Variants in MGST2 observed in about 807,000 individuals in gnomAD.
The protein encoded by MGST2 is glutathione peroxidase MGST2.
In MGST2, 9 loss-of-function variants were observed where a neutral mutation model predicts 16.6. That is an observed-to-expected ratio of 0.54 (90% CI 0.33 to 0.95). MGST2 has a LOEUF of 0.95. Among genes scored for constraint, MGST2 ranks in the 40% least tolerant of loss-of-function variants. The probability of loss-of-function intolerance (pLI) is 0.03; values close to 1 mark genes in which losing one functional copy is unlikely to be tolerated. For missense variants in MGST2, 159 were observed against 175.1 expected (o/e 0.91, Z 0.52); for synonymous variants, 79 against 68.0 (o/e 1.16, Z -0.79).
chr4:139,734,491 C>T (rs369165248), intron 5 of MGST2, among the ~76,000 whole-genome samples: 4 of 152,328 alleles, frequency 2.6e-5, no homozygotes, highest in African/African-American at 9.6e-5. Context: ...CTTCACTACT[C>T]GCCCAACCCT....
At chr4:139,730,080 T>C (rs372592283) in intron 5 of MGST2, among the ~76,000 whole-genome samples, 1 of 152,194 alleles carries the variant, frequency 6.6e-6, no homozygotes, top group Non-Finnish European at 1.5e-5. Flanking sequence ...TTATGGAGCA[T>C]GTGAGACAGT....
chr4:139,681,174 G>T (rs915292798), intron 2 of MGST2, among the ~76,000 whole-genome samples: 1 of 151,994 alleles, frequency 6.6e-6, no homozygotes, highest in African/African-American at 2.4e-5. Context: ...GTGCTACAAT[G>T]CCCTGCTAAT....
intron 1 of MGST2, among the ~76,000 whole-genome samples, chr4:139,678,076 C>T (rs768473879): frequency 1.7e-4 from 26 of 152,106 alleles, no homozygotes; most frequent in Non-Finnish European, 3.4e-4. Flanking sequence ...CACTGTGGAG[C>T]GGGGTCTTTG....
chr4:139,704,267 A>G (rs1485635134), downstream of MGST2: 13 of 1,276,300 alleles, frequency 1.0e-5, no homozygotes. Context: ...CTTTGTAGAA[A>G]CACACACTTT....
intron 1 of MGST2, among the ~76,000 whole-genome samples, chr4:139,671,610 G>T (rs1332025250): frequency 6.6e-6 from 1 of 151,804 alleles, no homozygotes; most frequent in Non-Finnish European, 1.5e-5. Context: ...GGGACTACAG[G>T]TGCGCCACCA....
intron 5 of MGST2, chr4:139,720,069 T>A (rs1728169054): frequency 6.2e-7 from 1 of 1,614,090 alleles, no homozygotes; most frequent in Non-Finnish European, 8.5e-7. Flanking sequence ...TGTGTGATGC[T>A]CATGCCACTT....
chr4:139,679,228 T>C (rs562107848), intron 2 of MGST2: 35 of 155,438 alleles, frequency 2.3e-4, no homozygotes, highest in African/African-American at 7.9e-4. Context: ...TGCTAGGGCG[T>C]ACTTTATATT....
At chr4:139,739,710 G>T (rs1579380036) in intron 5 of MGST2, among the ~76,000 whole-genome samples, 1 of 104,792 alleles carries the variant, frequency 9.5e-6, no homozygotes, top group South Asian at 4.2e-4. Flanking sequence ...ATGTCCTCAG[G>T]TGTTAAAACT....
intron 3 of MGST2, chr4:139,698,615 G>A (rs1727068203): frequency 3.6e-6 from 3 of 831,650 alleles, no homozygotes; most frequent in Non-Finnish European, 4.1e-6. Context: ...CGAGCGAGAG[G>A]CGGCGCTGGC....
intron 2 of MGST2, among the ~76,000 whole-genome samples, chr4:139,682,977 C>T (rs1367810883): frequency 2.0e-5 from 3 of 152,232 alleles, no homozygotes; most frequent in Non-Finnish European, 4.4e-5. Context: ...AGACCAGGCT[C>T]CTCCCTCTGC....
intron 5 of MGST2, among the ~76,000 whole-genome samples, chr4:139,710,972 GA>G (rs1383456172): frequency 2.0e-5 from 3 of 151,706 alleles, no homozygotes; most frequent in African/African-American, 7.3e-5. Context: ...ACAGGACAGA[GA>G]AGGGGAACAA....
intron 1 of MGST2, among the ~76,000 whole-genome samples, chr4:139,674,181 T>A (rs1456705979): frequency 1.3e-5 from 2 of 152,218 alleles, no homozygotes; most frequent in African/African-American, 4.8e-5. Context: ...CCCAAGGTGG[T>A]CAGGGCACAG....
chr4:139,747,677 G>C, the MGST2 span, among the ~76,000 whole-genome samples: 1 of 144,466 alleles, frequency 6.9e-6, no homozygotes, highest in African/African-American at 2.6e-5. Context: ...CTGGGCAAGA[G>C]AGCAAGACTC....
intron 5 of MGST2, among the ~76,000 whole-genome samples, chr4:139,720,843 G>T (rs1402090932): frequency 6.6e-6 from 1 of 152,224 alleles, no homozygotes; most frequent in Non-Finnish European, 1.5e-5. Flanking sequence ...TTGTGAAGTG[G>T]AACATGGTTC....
intron 5 of MGST2, among the ~76,000 whole-genome samples, chr4:139,738,254 C>T (rs1302508519): frequency 6.6e-6 from 1 of 152,192 alleles, no homozygotes; most frequent in Non-Finnish European, 1.5e-5. Flanking sequence ...CAAGACTTGT[C>T]ATGGTCAGGC....
At chr4:139,747,700 GA>G in the MGST2 span, among the ~76,000 whole-genome samples, 14,813 of 139,990 alleles carry the variant, frequency 0.11, 846 homozygotes, top group Admixed American at 0.18. Flanking sequence ...TCTCAGAAAA[GA>G]AAAAAAAAAA....
intron 5 of MGST2, chr4:139,717,043 A>G (rs1728000760): frequency 6.6e-6 from 1 of 152,502 alleles, no homozygotes; most frequent in African/African-American, 2.4e-5. Flanking sequence ...AACAGTATAT[A>G]TATATTTATA....
At chr4:139,740,052 TACAGGTTCAGCA>T (rs1729107543) in intron 5 of MGST2, among the ~76,000 whole-genome samples, 1 of 152,106 alleles carries the variant, frequency 6.6e-6, no homozygotes. Context: ...TGGGCTTGGA[TACAGGTTCAGCA>T]ACTAGGTCGG....
rs142428917 is a variant in MGST2 at position 139,728,381 on chromosome 4, C to T, written c.*49-11831C>T. On this transcript the variant is annotated intron_variant, in intron 5 of 5. Coordinates refer to the MGST2 transcript ENST00000616265. ...ATGACATTCGCTGACACCAGGGCCACGTGACAGGCCCCCACATACATGTGT... is the reference window on the plus strand; with the variant it reads ...ATGACATTCGCTGACACCAGGGCCATGTGACAGGCCCCCACATACATGTGT... Among the ~76,000 whole-genome samples the T allele has an allele frequency of 8.4e-3, 1,281 of 152,308 alleles. 21 individuals are homozygous for T. The highest frequency in any genetic ancestry group is 0.031 in the South Asian group (148 of 4,832).
Sources: allele counts gnomAD v4.1 joint callset (sites outside exome capture counted in the v4.1 genomes callset), GRCh38; gene constraint gnomAD v4.1.1; transcripts MANE v1.5; gene names NCBI Gene and HGNC (gene_info 2026-07-23, HGNC 2026-07-21).